The following CYP7B1 variants were observed in gnomAD, a reference collection of about 807,000 sequenced individuals.
The protein encoded by CYP7B1 is cytochrome P450 family 7 subfamily B member 1.
CYP7B1 carries 29 observed loss-of-function variants against 42.7 expected under a neutral mutation model. The observed-to-expected ratio is 0.68, with a 90% CI of 0.51 to 0.93. The LOEUF is 0.93. Among genes scored for constraint, CYP7B1 ranks in the 40% least tolerant of loss-of-function variants. The pLI is 0.00. For synonymous variants in CYP7B1, 235 were observed against 218.2 expected, an observed-to-expected ratio of 1.08 and a Z score of -0.68; for missense variants, 655 against 600.5, an observed-to-expected ratio of 1.09 and a Z score of -0.95.
intron 1 of CYP7B1, among the ~76,000 whole-genome samples, chr8:64,697,762 G>A (rs1464961954): frequency 6.6e-6 from 1 of 152,124 alleles, no homozygotes; most frequent in African/African-American, 2.4e-5. Context: ...TCCACACTAT[G>A]GATGAAAAAT....
At chr8:64,763,194 G>C (rs368812123) in intron 1 of CYP7B1, among the ~76,000 whole-genome samples, 1 of 152,174 alleles carries the variant, frequency 6.6e-6, no homozygotes, top group Non-Finnish European at 1.5e-5. Context: ...GCTCCTGATC[G>C]GGCTAAAGGC....
Position 64,595,506 on chromosome 8 carries a change from A to G in CYP7B1, c.*1136T>C, listed in dbSNP as rs147213447. On this transcript the variant is annotated 3_prime_UTR_variant, in exon 6 of 6. Coordinates refer to ENST00000310193, the MANE Select transcript of CYP7B1 (RefSeq NM_004820.5). ...ACTCTGATATTAGAATCTTTGAATC[A>G]CTGGGCTTGGTGGTACATGCCTGTA... 9.2e-4 allele frequency among the ~76,000 whole-genome samples: 140 copies of G among 152,312 alleles called. No homozygotes were observed. The highest frequency in any genetic ancestry group is 3.2e-3 in the African/African-American group (135 of 41,584).
intron 2 of CYP7B1, among the ~76,000 whole-genome samples, chr8:64,622,282 T>A (rs1805542786): frequency 6.6e-6 from 1 of 152,222 alleles, no homozygotes; most frequent in Non-Finnish European, 1.5e-5. Flanking sequence ...AGCAAAGTAG[T>A]TACAGGCAGA....
At chr8:64,683,948 T>A (rs571427668) in intron 1 of CYP7B1, among the ~76,000 whole-genome samples, 3 of 152,258 alleles carry the variant, frequency 2.0e-5, no homozygotes, top group African/African-American at 7.2e-5. Context: ...TGGCACCTGT[T>A]TAGAAAAGCT....
intron 5 of CYP7B1, among the ~76,000 whole-genome samples, chr8:64,598,466 A>G (rs561854832): frequency 6.6e-6 from 1 of 152,194 alleles, no homozygotes; most frequent in East Asian, 1.9e-4. Context: ...TATCTACCTA[A>G]CCCAAATCAG....
rs1806098152 is a variant in CYP7B1 at position 64,654,870 on chromosome 8, C to T, written c.123-30331G>A. On this transcript the variant is annotated intron_variant, in intron 1 of 5. Coordinates refer to ENST00000310193, the MANE Select transcript of CYP7B1 (RefSeq NM_004820.5). Reference sequence around the variant, plus strand: ...TAGAGAGTCTAGAAATAAGGCCGCACACCTAAAGTCATCTGATCTTTGACA... The same window carrying T: ...TAGAGAGTCTAGAAATAAGGCCGCATACCTAAAGTCATCTGATCTTTGACA... Among the ~76,000 whole-genome samples the T allele has an allele frequency of 2.0e-5, 3 of 152,108 alleles. No homozygotes were observed. The South Asian group carries it at 6.2e-4, about 32-fold the overall frequency.
At chr8:64,749,391 T>C (rs1315806631) in intron 1 of CYP7B1, among the ~76,000 whole-genome samples, 15 of 152,152 alleles carry the variant, frequency 9.9e-5, no homozygotes, top group Non-Finnish European at 1.5e-5. Flanking sequence ...CAGATTTGTA[T>C]TTTAGAAAGA....
intron 1 of CYP7B1, among the ~76,000 whole-genome samples, chr8:64,681,525 G>A (rs1034911364): frequency 3.3e-5 from 5 of 152,110 alleles, no homozygotes; most frequent in African/African-American, 7.2e-5. Context: ...CACTTCCAAG[G>A]TTAGTTTATA....
intron 3 of CYP7B1, among the ~76,000 whole-genome samples, chr8:64,615,487 T>C (rs1805424354): frequency 6.6e-6 from 1 of 150,742 alleles, no homozygotes; most frequent in African/African-American, 2.4e-5. Context: ...TTTCTCATTA[T>C]CACCATTAAG....
rs1311809124 is a variant in CYP7B1, at chr8:64,597,031, T to G, written c.1234-102A>C. 11 of 1,042,922 alleles carry G rather than the reference T, an allele frequency of 1.1e-5. No homozygotes were observed. The East Asian group carries it at 2.3e-4, about 22-fold the overall frequency. 64.6% of individuals were successfully genotyped at this position (1,042,922 alleles called of 1,614,324 possible). A position where few individuals can be genotyped will look rare whatever the true frequency, so the allele number is the denominator to read the frequency against. The stretch of plus-strand genomic sequence containing the variant: ...TCTCTGCCTGTCTTAAAAAGCTCCT[T>G]TTAATCAGGTGAACACCAGAAAAAC... On this transcript the variant is annotated intron_variant, in intron 5 of 5. Transcript: ENST00000310193.
intron 1 of CYP7B1, among the ~76,000 whole-genome samples, chr8:64,739,453 C>T (rs1171022839): frequency 6.6e-6 from 1 of 152,160 alleles, no homozygotes; most frequent in African/African-American, 2.4e-5. Flanking sequence ...CTGGCACCTA[C>T]CACTACATCA....
At chr8:64,615,591 G>T in intron 3 of CYP7B1, 100 bp downstream of exon 3, 1 of 1,110,818 alleles carries the variant, frequency 9.0e-7, no homozygotes, top group South Asian at 1.3e-5. Context: ...CAATTAGAAA[G>T]AGCATAAAAA....
In CYP7B1 at chr8:64,706,272, C is replaced by T. The variant is rs189985786; in HGVS notation, c.123-81733G>A. ...GGTGAAGTTAGAATACATGGTAAAA[C>T]TGACTACTAAGTCCTGAGTAAAGTG... On this transcript the variant is annotated intron_variant, in intron 1 of 5. Coordinates refer to ENST00000310193, the MANE Select transcript of CYP7B1 (RefSeq NM_004820.5). Among the ~76,000 whole-genome samples the T allele has an allele frequency of 3.2e-3, 489 of 152,082 alleles. 1 individual carries two copies. The highest frequency in any genetic ancestry group is 4.9e-3 in the Non-Finnish European group (334 of 67,918).
rs377119798 is a variant in CYP7B1 at position 64,624,458 on chromosome 8, C to A, written c.204G>T (p.Arg68Ser). The A allele has an allele frequency of 1.3e-5, 21 of 1,612,856 alleles. No homozygotes were observed. The highest frequency in any genetic ancestry group is 5.4e-5 in the African/African-American group (4 of 74,648). The change falls in exon 2 of 6, where the codon AGG becomes AGT. Residue 68 changes from arginine (R) to serine (S), a missense_variant. Physicochemically the swap from Arg to Ser is moderately radical, Grantham distance 110. Transcript: ENST00000310193. The stretch of plus-strand genomic sequence containing the variant: ...GTTGCTTTTGAAGTGTTTTCATGAA[C>A]CTTAAGGGGTCTTTTCGTAAGTTCA... ...VVLNLRKDPL[R>S]FMKTLQKQHG...
intron 1 of CYP7B1, among the ~76,000 whole-genome samples, chr8:64,650,856 C>T (rs944774201): frequency 6.6e-6 from 1 of 152,028 alleles, no homozygotes; most frequent in Non-Finnish European, 1.5e-5. Context: ...TCCTTTCATC[C>T]CAGCAAATAC....
intron 4 of CYP7B1, among the ~76,000 whole-genome samples, chr8:64,611,717 C>T (rs900191513): frequency 2.0e-5 from 3 of 152,106 alleles, no homozygotes; most frequent in Admixed American, 2.0e-4. Flanking sequence ...TTTGAGGATA[C>T]GTCACTCAAC....
At chr8:64,706,196 T>C (rs1806996452) in intron 1 of CYP7B1, among the ~76,000 whole-genome samples, 2 of 152,078 alleles carry the variant, frequency 1.3e-5, no homozygotes. Context: ...GATAAAAGGA[T>C]ACCTCTAAAC....
chr8:64,713,286 T>C (rs1807107830), intron 1 of CYP7B1, among the ~76,000 whole-genome samples: 1 of 151,454 alleles, frequency 6.6e-6, no homozygotes, highest in Non-Finnish European at 1.5e-5. Context: ...TATGACAAAA[T>C]CCATCATCCC....
At chr8:64,621,995 G>GCTTCCAGGCAAAGGCC (rs1234139322) in intron 2 of CYP7B1, among the ~76,000 whole-genome samples, 1 of 151,732 alleles carries the variant, frequency 6.6e-6, no homozygotes, top group East Asian at 1.9e-4. Context: ...ACCCGCCTCA[G>GCTTCCAGGCAAAGGCC]ACTGGCCAGC....
Sources: allele counts gnomAD v4.1 joint callset (sites outside exome capture counted in the v4.1 genomes callset), GRCh38; gene constraint gnomAD v4.1.1; transcripts MANE v1.5; gene names NCBI Gene and HGNC (gene_info 2026-07-23, HGNC 2026-07-21).